HCN4: variants seen among roughly 807,000 people sequenced by gnomAD.
HCN4 encodes hyperpolarization activated cyclic nucleotide gated potassium channel 4.
HCN4 carries 29 observed loss-of-function variants against 76.9 expected under a neutral mutation model. The observed-to-expected ratio is 0.38, with a 90% CI of 0.28 to 0.51. The LOEUF is 0.51. Among genes scored for constraint, HCN4 ranks in the 20% least tolerant of loss-of-function variants. The probability of loss-of-function intolerance (pLI) is 0.90; values close to 1 mark genes in which losing one functional copy is unlikely to be tolerated. For synonymous variants in HCN4, 772 were observed against 762.5 expected, an observed-to-expected ratio of 1.01 and a Z score of -0.21; for missense variants, 1,416 against 1,715.2, an observed-to-expected ratio of 0.83 and a Z score of 3.08.
intron 1 of HCN4, among the ~76,000 whole-genome samples, chr15:73,360,409 C>T (rs1368985361): frequency 6.6e-6 from 1 of 152,196 alleles, no homozygotes; most frequent in Non-Finnish European, 1.5e-5. Context: ...TCCAGGCCAG[C>T]GGCTTGCTAA....
chr15:73,324,607 C>T (rs867483661), intron 6 of HCN4, among the ~76,000 whole-genome samples: 7 of 152,114 alleles, frequency 4.6e-5, no homozygotes, highest in African/African-American at 7.2e-5. Context: ...AGGAGGAGGC[C>T]GGGGAGCTGG....
At chr15:73,347,935 T>C (rs1221944907) in intron 1 of HCN4, among the ~76,000 whole-genome samples, 2 of 152,192 alleles carry the variant, frequency 1.3e-5, no homozygotes, top group African/African-American at 4.8e-5. Flanking sequence ...ACCTGTCTTA[T>C]CTCAATCCTT....
At chr15:73,332,431 C>T in intron 2 of HCN4, 139 bp from the exon 3 acceptor site, 1 of 839,920 alleles carries the variant, frequency 1.2e-6, no homozygotes, top group Admixed American at 2.0e-5. Context: ...CAAATCCAGG[C>T]TGGGGGTGGG....
In HCN4 at chr15:73,368,549, T is replaced by C. The variant is rs1433976225; in HGVS notation, c.-279A>G. 1 of 248,968 alleles carries C rather than the reference T, an allele frequency of 4.0e-6. No individual in the cohort carries two copies. The highest frequency in any genetic ancestry group is 7.7e-6 in the Non-Finnish European group (1 of 130,532). 15.4% of individuals were successfully genotyped at this position (248,968 alleles called of 1,614,324 possible). ...TTGCCTCCCTCCCTCCCTCTGGCGT[T>C]CAGGGGCGCGGCGCGCCGCCCGGCT... On this transcript the variant is annotated 5_prime_UTR_variant, in exon 1 of 8. Coordinates refer to ENST00000261917, the MANE Select transcript of HCN4 (RefSeq NM_005477.3). The surrounding 1 kb of genome is among the most constrained non-coding windows in gnomAD (Gnocchi z 6.9).
intron 1 of HCN4, among the ~76,000 whole-genome samples, chr15:73,346,694 GAGCCCAGGTATCCGTAAAA>G (rs1349020463): frequency 1.3e-5 from 2 of 152,172 alleles, no homozygotes; most frequent in Non-Finnish European, 2.9e-5. Context: ...CCATCCCTAT[GAGCCCAGGTATCCGTAAAA>G]AGCCCAGGTA....
rs1203451135 is a variant in HCN4 at position 73,320,924 on chromosome 15, A to AT, written c.*1556dup. 6.6e-6 allele frequency: 1 copy of AT among 152,088 alleles called. No homozygotes were observed. Among genetic ancestry groups the AT allele is most frequent in the South Asian group, 2.1e-4 (1 of 4,818 alleles). The allele number at this position is 152,088 out of a possible 1,614,324, so 9.4% of individuals were successfully genotyped here. ...GCCCAGCCACCTCCTGAGTCCTGAG[A>AT]TTTTAAGTCTTGGAGCCCTCAGCCA... On this transcript the variant is annotated 3_prime_UTR_variant, in exon 8 of 8. Coordinates refer to ENST00000261917, the MANE Select transcript of HCN4 (RefSeq NM_005477.3).
intron 1 of HCN4, among the ~76,000 whole-genome samples, chr15:73,360,655 C>T (rs147393014): frequency 2.2e-3 from 338 of 152,150 alleles, no homozygotes; most frequent in African/African-American, 7.5e-3. Context: ...CTTTCCTCGT[C>T]GGAGGCTTAT....
At chr15:73,359,393 C>T (rs1198458178) in intron 1 of HCN4, among the ~76,000 whole-genome samples, 1 of 152,178 alleles carries the variant, frequency 6.6e-6, no homozygotes, top group Non-Finnish European at 1.5e-5. Context: ...CTGGCGTCGG[C>T]AGTGGTGGCT....
rs752597565 is a variant in HCN4, at chr15:73,368,147, C to T, written c.124G>A (p.Asp42Asn). The change falls in exon 1 of 8, where the codon GAC (aspartate) becomes AAC (asparagine). Residue 42 changes from aspartate (D) to asparagine (N), a missense_variant. Asp to Asn is a conservative substitution (Grantham distance 23). This residue lies in a region of HCN4 where 355 missense variants were observed against 347.8 expected (regional missense o/e 1.02). Transcript: ENST00000261917. This position sits in a 1 kb window ranked among gnomAD's most constrained non-coding sequence, Gnocchi z 6.9. ...AEEEGAGGRQ[D>N]PSRRSIRLRP... is the part of the protein sequence containing the mutation. ...AGCCGGATGCTCCTGCGGCTGGGGT[C>T]TTGGCGGCCCCCGGCCCCCTCCTCC... is the stretch of plus-strand genomic sequence containing the variant. The T allele has an allele frequency of 5.9e-6, 9 of 1,521,870 alleles. No individual in the cohort carries two copies. In the South Asian group the frequency reaches 6.1e-5, roughly 10 times the overall value. The allele number at this position is 1,521,870 out of a possible 1,614,324, so 94.3% of individuals were successfully genotyped here.
chr15:73,346,750 T>G (rs1595830356), intron 1 of HCN4, among the ~76,000 whole-genome samples: 1 of 152,134 alleles, frequency 6.6e-6, no homozygotes, highest in Non-Finnish European at 1.5e-5. Context: ...CCCGGTGGCC[T>G]AGAAGGGTGA....
intron 2 of HCN4, among the ~76,000 whole-genome samples, chr15:73,335,868 C>T (rs529674896): frequency 2.6e-5 from 4 of 152,222 alleles, no homozygotes; most frequent in South Asian, 2.1e-4. Context: ...TCCTGGGTCT[C>T]GGGGCAGTAC....
Position 73,367,858 on chromosome 15 carries a change from G to A in HCN4, c.413C>T (p.Ser138Phe), listed in dbSNP as rs1567801864. 6.9e-6 allele frequency: 9 copies of A among 1,310,934 alleles called. No homozygotes were observed. The highest frequency in any genetic ancestry group is 8.8e-6 in the Non-Finnish European group (9 of 1,028,338). 81.2% of individuals were successfully genotyped at this position (1,310,934 alleles called of 1,614,324 possible). The change falls in exon 1 of 8, where the codon TCC (serine) becomes TTC (phenylalanine). Residue 138 changes from serine to phenylalanine, a missense_variant. Ser to Phe is a radical substitution (Grantham distance 155, BLOSUM62 -2). Transcript: ENST00000261917. This position sits in a 1 kb window ranked among gnomAD's most constrained non-coding sequence, Gnocchi z 7.5. ...ERRLIAEGDA[S>F]PGEDRTPPGL... ...TGGGGGCGTCCTGTCCTCGCCGGGG[G>A]ACGCGTCGCCCTCGGCGATGAGCCG...
intron 1 of HCN4, among the ~76,000 whole-genome samples, chr15:73,345,477 C>G (rs2043025519): frequency 6.6e-6 from 1 of 152,140 alleles, no homozygotes; most frequent in Non-Finnish European, 1.5e-5. Flanking sequence ...CTGAGAGAAC[C>G]CAACTAAGGC....
Position 73,332,145 on chromosome 15 carries a change from T to C in HCN4, c.1357A>G (p.Ile453Val), listed in dbSNP as rs1394017911. Residue 453 changes from isoleucine to valine, a missense_variant, in exon 3 of 8, where the codon ATC becomes GTC. By Grantham distance (29) the Ile-to-Val change is conservative. Around this residue, in one of 6 missense-constraint regions of HCN4, gnomAD observed 112 missense variants for 259.9 expected, o/e 0.43. Transcript: ENST00000261917. ...QDFPDDCWVS[I>V]NNMVNNSWGK... ...GGCGCACTCACCACCATGTTGTTGA[T>C]GGACACCCAGCAGTCGTCAGGGAAG... The C allele has an allele frequency of 3.1e-6, 5 of 1,614,030 alleles. No individual in the cohort carries two copies. The highest frequency in any genetic ancestry group is 1.7e-5 in the Admixed American group (1 of 60,028).
At chr15:73,327,914 T>C (rs1435057453) in intron 4 of HCN4, among the ~76,000 whole-genome samples, 2 of 152,188 alleles carry the variant, frequency 1.3e-5, no homozygotes, top group Non-Finnish European at 2.9e-5. Flanking sequence ...CCCCCACCTG[T>C]CAGTCACCCC....
chr15:73,354,681 C>T (rs1417143288), intron 1 of HCN4, among the ~76,000 whole-genome samples: 1 of 152,214 alleles, frequency 6.6e-6, no homozygotes, highest in African/African-American at 2.4e-5. Context: ...CCCCACCTCA[C>T]AGGAGTCTAG....
At chr15:73,338,835 G>A (rs573672439) in intron 2 of HCN4, among the ~76,000 whole-genome samples, 2 of 152,350 alleles carry the variant, frequency 1.3e-5, no homozygotes, top group African/African-American at 4.8e-5. Flanking sequence ...TGCATGCTGG[G>A]TGCAGTTTGA....
intron 2 of HCN4, among the ~76,000 whole-genome samples, chr15:73,337,013 ATGCCCCAGGCCAGTTCGTGCT>A (rs1341514421): frequency 7.2e-5 from 11 of 152,152 alleles, no homozygotes; most frequent in Non-Finnish European, 1.5e-5. Context: ...ATGTCCTTGA[ATGCCCCAGGCCAGTTCGTGCT>A]TGCCCCAGGC....
intron 2 of HCN4, among the ~76,000 whole-genome samples, chr15:73,338,317 C>G (rs1445048039): frequency 6.6e-6 from 1 of 152,208 alleles, no homozygotes; most frequent in African/African-American, 2.4e-5. Flanking sequence ...TGAGCACCTT[C>G]ATTTCCAGGC....
Sources: gnomAD v4.1 joint callset for allele counts (sites outside exome capture counted in the v4.1 genomes callset) on GRCh38, gnomAD v4.1.1 for gene constraint, gnomAD v4.1.1 regional missense constraint, Gnocchi (gnomAD v3.1) non-coding constraint, MANE v1.5 for transcripts, NCBI Gene and HGNC (gene_info 2026-07-23, HGNC 2026-07-21) for gene names.